The following CRPPA variants were observed in gnomAD, a reference collection of about 807,000 sequenced individuals.
CRPPA encodes the protein D-ribitol-5-phosphate cytidylyltransferase.
CRPPA carries 43 observed loss-of-function variants against 52.0 expected under a neutral mutation model. The observed-to-expected ratio is 0.83, with a 90% CI of 0.65 to 1.07. The LOEUF is 1.07. Ranked by LOEUF, CRPPA falls within the 50% of genes least tolerant of loss-of-function variation. CRPPA has a pLI of 0.00. For synonymous variants in CRPPA, 250 were observed against 203.5 expected, an observed-to-expected ratio of 1.23 and a Z score of -1.94; for missense variants, 629 against 551.7, an observed-to-expected ratio of 1.14 and a Z score of -1.40.
intron 9 of CRPPA, among the ~76,000 whole-genome samples, chr7:16,095,323 G>T (rs754865991): frequency 9.9e-5 from 15 of 152,110 alleles, no homozygotes; most frequent in Non-Finnish European, 1.9e-4. Context: ...ATACAGCCTT[G>T]ACAACTTAAG....
intron 5 of CRPPA, among the ~76,000 whole-genome samples, chr7:16,298,217 T>G (rs1024930767): frequency 6.6e-6 from 1 of 152,150 alleles, no homozygotes; most frequent in African/African-American, 2.4e-5. Context: ...GCAATAAAGA[T>G]ATTATAACAT....
chr7:16,126,563 T>C (rs999459689), intron 9 of CRPPA, among the ~76,000 whole-genome samples: 2 of 152,280 alleles, frequency 1.3e-5, no homozygotes, highest in South Asian at 4.1e-4. Context: ...GTTCCTAATA[T>C]AAGGTCCATA....
chr7:16,241,623 C>T (rs115000084), intron 8 of CRPPA, among the ~76,000 whole-genome samples: 1,927 of 152,160 alleles, frequency 0.013, 48 homozygotes, highest in African/African-American at 0.044. Flanking sequence ...TATGAACTTG[C>T]TGTGTTTCTT....
intron 9 of CRPPA, among the ~76,000 whole-genome samples, chr7:16,208,134 T>G (rs1374936214): frequency 6.6e-6 from 1 of 152,170 alleles, no homozygotes; most frequent in Non-Finnish European, 1.5e-5. Flanking sequence ...CAAAATAATA[T>G]AGCCTACCTA....
At chr7:16,217,025 A>T (rs1367662296) in intron 8 of CRPPA, among the ~76,000 whole-genome samples, 2 of 151,730 alleles carry the variant, frequency 1.3e-5, no homozygotes, top group Non-Finnish European at 2.9e-5. Flanking sequence ...TAACGTCTGC[A>T]GACTTAAATG....
chr7:16,282,029 G>T (rs529317185), intron 5 of CRPPA, among the ~76,000 whole-genome samples: 2 of 151,916 alleles, frequency 1.3e-5, no homozygotes, highest in Non-Finnish European at 2.9e-5. Flanking sequence ...TGTCTTATAT[G>T]TTTGTTTTCT....
intron 9 of CRPPA, among the ~76,000 whole-genome samples, chr7:16,145,382 T>TA (rs1400972579): frequency 6.6e-6 from 1 of 151,886 alleles, no homozygotes; most frequent in Non-Finnish European, 1.5e-5. Context: ...AAACAGTCTA[T>TA]AAAAAATGAA....
At chr7:16,320,674 GT>G (rs1480826172) in intron 3 of CRPPA, among the ~76,000 whole-genome samples, 1 of 152,072 alleles carries the variant, frequency 6.6e-6, no homozygotes, top group Non-Finnish European at 1.5e-5. Context: ...TGCTCACAAT[GT>G]TTCAAGTAGA....
intron 9 of CRPPA, among the ~76,000 whole-genome samples, chr7:16,124,619 G>A (rs555947392): frequency 1.8e-4 from 27 of 152,270 alleles, no homozygotes; most frequent in African/African-American, 6.5e-4. Context: ...CAGCTAGACA[G>A]AGGGAATGAG....
Position 16,090,271 on chromosome 7 carries a change from A to T in CRPPA, c.*1424T>A, listed in dbSNP as rs1781807117. 1 of 152,202 alleles carries T rather than the reference A, an allele frequency of 6.6e-6. No individual in the cohort carries two copies. Among genetic ancestry groups the T allele is most frequent in the South Asian group, 2.1e-4 (1 of 4,826 alleles). The allele number at this position is 152,202 out of a possible 1,614,324, so 9.4% of individuals were successfully genotyped here. A position where few individuals can be genotyped will look rare whatever the true frequency, so the allele number is the denominator to read the frequency against. The stretch of plus-strand genomic sequence containing the variant: ...TCTCCTACTATATATATACTTGAAC[A>T]CTAGAGGGAAAATCACCCAACATGT... On this transcript the variant is annotated 3_prime_UTR_variant, in exon 10 of 10. Coordinates refer to ENST00000407010, the MANE Select transcript of CRPPA (RefSeq NM_001101426.4).
intron 3 of CRPPA, among the ~76,000 whole-genome samples, chr7:16,354,787 GCAGCCAT>G (rs987224641): frequency 6.6e-6 from 1 of 152,056 alleles, no homozygotes; most frequent in Non-Finnish European, 1.5e-5. Flanking sequence ...TCACTGAAAT[GCAGCCAT>G]CAGAAAATAA....
intron 3 of CRPPA, among the ~76,000 whole-genome samples, chr7:16,330,367 T>A (rs1785521129): frequency 6.6e-6 from 1 of 152,154 alleles, no homozygotes; most frequent in Non-Finnish European, 1.5e-5. Context: ...GTCTCGCAGC[T>A]TCGTCCTAAC....
chr7:16,315,407 A>G (rs1314457326), intron 3 of CRPPA, among the ~76,000 whole-genome samples: 15 of 152,114 alleles, frequency 9.9e-5, no homozygotes, highest in African/African-American at 3.6e-4. Context: ...ATTTTCCTTG[A>G]TAGCTGGACA....
chr7:16,286,170 G>A (rs1784444724), intron 5 of CRPPA, among the ~76,000 whole-genome samples: 1 of 140,558 alleles, frequency 7.1e-6, no homozygotes. Flanking sequence ...TGGTTAATTT[G>A]TGTATCAACT....
intron 9 of CRPPA, among the ~76,000 whole-genome samples, chr7:16,150,346 C>A (rs1352959035): frequency 6.6e-6 from 1 of 152,004 alleles, no homozygotes; most frequent in African/African-American, 2.4e-5. Context: ...CATTTCCTGT[C>A]TAATTAAGAA....
At chr7:16,279,901 T>C (rs28564729) in intron 5 of CRPPA, among the ~76,000 whole-genome samples, 66 of 152,354 alleles carry the variant, frequency 4.3e-4, no homozygotes, top group African/African-American at 1.5e-3. Flanking sequence ...AAGAATTTTA[T>C]TGGACTTACA....
chr7:16,384,371 G>C (rs1223976760), intron 2 of CRPPA, among the ~76,000 whole-genome samples: 1 of 152,184 alleles, frequency 6.6e-6, no homozygotes, highest in East Asian at 1.9e-4. Flanking sequence ...CTGTAGGACA[G>C]TCAGTTTACC....
chr7:16,194,510 CAA>C (rs1436294205), intron 9 of CRPPA, among the ~76,000 whole-genome samples: 1 of 152,104 alleles, frequency 6.6e-6, no homozygotes, highest in Non-Finnish European at 1.5e-5. Flanking sequence ...TCTGTCAACA[CAA>C]AGTTACTAAA....
Position 16,270,526 on chromosome 7 carries a change from C to A in CRPPA, c.933+7603G>T, listed in dbSNP as rs550538299. 6.6e-5 allele frequency: 10 copies of A among 152,202 alleles called. No individual in the cohort carries two copies. In the East Asian group the frequency reaches 1.9e-3, roughly 29 times the overall value. The allele number at this position is 152,202 out of a possible 1,614,324, so 9.4% of individuals were successfully genotyped here. A position where few individuals can be genotyped will look rare whatever the true frequency, so the allele number is the denominator to read the frequency against. On this transcript the variant is annotated intron_variant, in intron 6 of 9. Transcript: ENST00000407010. ...CATCTTCTTCAACTAGGTGGTCTATCATTTTGGAGTTTCTTTCCACCTCTG... is the reference window on the plus strand; with the variant it reads ...CATCTTCTTCAACTAGGTGGTCTATAATTTTGGAGTTTCTTTCCACCTCTG...
Sources: allele counts gnomAD v4.1 joint callset (sites outside exome capture counted in the v4.1 genomes callset), GRCh38; gene constraint gnomAD v4.1.1; transcripts MANE v1.5; gene names NCBI Gene and HGNC (gene_info 2026-07-23, HGNC 2026-07-21).